The following PTPRD variants were observed in gnomAD, a reference collection of about 807,000 sequenced individuals.
The protein encoded by PTPRD is protein tyrosine phosphatase receptor type D.
Under a neutral mutation model 214.5 loss-of-function variants are expected in PTPRD, and 34 were observed. That is an observed-to-expected ratio of 0.16 (90% CI 0.12 to 0.21). The LOEUF (loss-of-function observed/expected upper bound fraction) is 0.21. PTPRD is among the 10% of genes least tolerant of loss of function. The pLI, the probability that PTPRD is intolerant of heterozygous loss-of-function variation, is 1.00. For synonymous variants in PTPRD, 1,128 were observed against 845.7 expected, an observed-to-expected ratio of 1.33 and a Z score of -5.79; for missense variants, 2,545 against 2,398.7, an observed-to-expected ratio of 1.06 and a Z score of -1.27.
intron 9 of PTPRD, among the ~76,000 whole-genome samples, chr9:9,347,019 G>A (rs2137805806): frequency 6.6e-6 from 1 of 152,054 alleles, no homozygotes; most frequent in East Asian, 1.9e-4. Flanking sequence ...CACAGCCCCT[G>A]GGGCAGGTGT....
At chr9:10,025,539 G>C in intron 4 of PTPRD, among the ~76,000 whole-genome samples, 1 of 152,136 alleles carries the variant, frequency 6.6e-6, no homozygotes, top group Non-Finnish European at 1.5e-5. Flanking sequence ...TTTCATCATA[G>C]GAGAATTCAC....
rs551897387 is a variant in PTPRD, at chr9:9,909,543, T to C, written c.-368+28964A>G. ...TGCATTATTGGTTGATATATTTATA[T>C]GAATTTATTATTAGGCACTATCTTA... is the stretch of plus-strand genomic sequence containing the variant. On this transcript the variant is annotated intron_variant, in intron 5 of 45. Transcript: ENST00000381196. 1.4e-4 allele frequency among the ~76,000 whole-genome samples: 21 copies of C among 152,100 alleles called. No individual in the cohort carries two copies. In the East Asian group the frequency reaches 3.7e-3, roughly 27 times the overall value.
At chr9:8,411,531 T>A (rs2093524392) in intron 35 of PTPRD, among the ~76,000 whole-genome samples, 1 of 152,172 alleles carries the variant, frequency 6.6e-6, no homozygotes, top group East Asian at 1.9e-4. Context: ...CTCGAACTCA[T>A]GACCTTAAGT....
intron 2 of PTPRD, among the ~76,000 whole-genome samples, chr9:10,574,779 A>G (rs1331304584): frequency 7.2e-6 from 1 of 138,734 alleles, no homozygotes; most frequent in Non-Finnish European, 1.6e-5. Context: ...GTGTGTGTAT[A>G]TATATACACA....
In PTPRD at chr9:10,001,104, C is replaced by A. The variant is rs114798238; in HGVS notation, c.-472+32614G>T. The stretch of plus-strand genomic sequence containing the variant: ...TTTCTTCTTTCTTGACTATTAAATT[C>A]TCCACTCCTTAAAACCACTCCACGT... On this transcript the variant is annotated intron_variant, in intron 4 of 45. Coordinates refer to ENST00000381196, the MANE Select transcript of PTPRD (RefSeq NM_002839.4). Among the ~76,000 whole-genome samples, 942 of 152,114 alleles carry A rather than the reference C, an allele frequency of 6.2e-3. 12 individuals are homozygous for A. The highest frequency in any genetic ancestry group is 0.022 in the African/African-American group (894 of 41,460).
intron 2 of PTPRD, among the ~76,000 whole-genome samples, chr9:10,383,534 C>T (rs2097858498): frequency 6.6e-6 from 1 of 151,794 alleles, no homozygotes; most frequent in Admixed American, 6.6e-5. Context: ...GAAGACAATT[C>T]AGTTGACATC....
chr9:8,848,970 G>A (rs2097760957), intron 11 of PTPRD, among the ~76,000 whole-genome samples: 1 of 125,652 alleles, frequency 8.0e-6, no homozygotes, highest in African/African-American at 2.9e-5. Context: ...TGCTCAGTAA[G>A]TTTTAGAAAT....
rs1445668423 is a variant in PTPRD at position 8,852,623 on chromosome 9, G to A, written c.-103-118677C>T. ...ATACTACTTGCCTGCTGGTATACAT[G>A]ACCTACTAGCTTACAGACAGAATGA... On this transcript the variant is annotated intron_variant, in intron 11 of 45. Coordinates refer to ENST00000381196, the MANE Select transcript of PTPRD (RefSeq NM_002839.4). 2.0e-5 allele frequency among the ~76,000 whole-genome samples: 3 copies of A among 152,308 alleles called. No individual in the cohort carries two copies. In the East Asian group the frequency reaches 5.8e-4, roughly 29 times the overall value.
chr9:8,685,685 C>T (rs1422204542), intron 12 of PTPRD, among the ~76,000 whole-genome samples: 2 of 152,110 alleles, frequency 1.3e-5, no homozygotes, highest in African/African-American at 2.4e-5. Flanking sequence ...GAGAAATATA[C>T]AGAATCAAAG....
chr9:8,695,126 C>G (rs2097883596), intron 12 of PTPRD, among the ~76,000 whole-genome samples: 1 of 152,084 alleles, frequency 6.6e-6, no homozygotes, highest in Admixed American at 6.6e-5. Flanking sequence ...ACTGGTTCCT[C>G]TCATGATCCC....
chr9:8,879,458 C>G (rs1446221478), intron 11 of PTPRD, among the ~76,000 whole-genome samples: 2 of 152,112 alleles, frequency 1.3e-5, no homozygotes, highest in East Asian at 3.9e-4. Flanking sequence ...CTGCAAAACA[C>G]TAGAAGCACA....
At chr9:9,483,143 G>C (rs1217859960) in intron 8 of PTPRD, among the ~76,000 whole-genome samples, 1 of 152,118 alleles carries the variant, frequency 6.6e-6, no homozygotes, top group African/African-American at 2.4e-5. Flanking sequence ...TACAATAAAT[G>C]CTTCTTTGTC....
At chr9:9,745,793 T>C (rs1445664410) in intron 6 of PTPRD, among the ~76,000 whole-genome samples, 3 of 152,128 alleles carry the variant, frequency 2.0e-5, no homozygotes, top group Non-Finnish European at 2.9e-5. Flanking sequence ...GTGTGTTCCC[T>C]GACCCCATCA....
At chr9:9,749,050 G>T (rs1306829102) in intron 6 of PTPRD, among the ~76,000 whole-genome samples, 2 of 151,854 alleles carry the variant, frequency 1.3e-5, no homozygotes, top group Non-Finnish European at 2.9e-5. Flanking sequence ...TCTTTCCTCT[G>T]GTTTTTGTGA....
chr9:9,645,450 CATATATGTATAT>C (rs1270177608), intron 7 of PTPRD, among the ~76,000 whole-genome samples: 90 of 117,234 alleles, frequency 7.7e-4, no homozygotes, highest in African/African-American at 2.4e-3. Flanking sequence ...GGTTTCCCTA[CATATATGTATAT>C]ATATATATAT....
At chr9:9,076,393 T>G (rs371300019) in intron 10 of PTPRD, among the ~76,000 whole-genome samples, 27 of 152,230 alleles carry the variant, frequency 1.8e-4, no homozygotes, top group African/African-American at 6.0e-4. Context: ...CTCTTTAGTT[T>G]AATTAGTGTA....
chr9:8,504,370 C>G lies in PTPRD; in HGVS notation c.1713G>C (p.Arg571Ser), dbSNP rs1216291824. 6.2e-7 allele frequency: 1 copy of G among 1,614,026 alleles called. No homozygotes were observed. The highest frequency in any genetic ancestry group is 8.5e-7 in the Non-Finnish European group (1 of 1,180,008). ...AGCTGTTTGGTTTCAGTCCTTGCAG[C>G]CTATATGATGTCCCTGGCTCAATGG... Reference protein sequence around the residue: ...RITIEPGTSYRLQGLKPNSLY... With the variant: ...RITIEPGTSYSLQGLKPNSLY... Residue 571 changes from arginine to serine, a missense_variant, in exon 23 of 46, where the codon AGG becomes AGC. Arg to Ser is a moderately radical substitution (Grantham distance 110). Transcript: ENST00000381196.
intron 34 of PTPRD, among the ~76,000 whole-genome samples, chr9:8,442,489 AAC>A (rs2095580950): frequency 6.6e-6 from 1 of 152,178 alleles, no homozygotes; most frequent in Non-Finnish European, 1.5e-5. Flanking sequence ...ATGACTCAGT[AAC>A]AGTCTCTTCA....
chr9:10,032,156 A>G (rs532985842), intron 4 of PTPRD, among the ~76,000 whole-genome samples: 56 of 152,308 alleles, frequency 3.7e-4, no homozygotes, highest in African/African-American at 1.3e-3. Context: ...TACACTGTGA[A>G]AAACAACTGT....
Sources: allele counts gnomAD v4.1 joint callset (sites outside exome capture counted in the v4.1 genomes callset), GRCh38; gene constraint gnomAD v4.1.1; transcripts MANE v1.5; gene names NCBI Gene and HGNC (gene_info 2026-07-23, HGNC 2026-07-21).